ADCY10: variants seen among roughly 807,000 people sequenced by gnomAD.
The protein encoded by ADCY10 is adenylate cyclase type 10.
Under a neutral mutation model 183.3 loss-of-function variants are expected in ADCY10, and 156 were observed. The observed-to-expected ratio is 0.85, with a 90% CI of 0.75 to 0.97. ADCY10 has a LOEUF of 0.97. ADCY10 is among the 50% of genes least tolerant of loss of function. The pLI, the probability that ADCY10 is intolerant of heterozygous loss-of-function variation, is 0.00. For synonymous variants in ADCY10, 645 were observed against 670.0 expected (o/e 0.96, Z 0.58); for missense variants, 1,745 against 1,934.3 (o/e 0.90, Z 1.84).
chr1:167,912,653 T>C (rs1214777393), intron 1 of ADCY10, among the ~76,000 whole-genome samples: 1 of 152,166 alleles, frequency 6.6e-6, no homozygotes, highest in Non-Finnish European at 1.5e-5. Flanking sequence ...TCTGTCTCTG[T>C]ATGGGGGAGC....
rs1179293298 is a variant in ADCY10, at chr1:167,810,708, T to A, written c.4671+17A>T. On this transcript the variant is annotated intron_variant, in intron 32 of 32. Transcript: ENST00000367851. The stretch of plus-strand genomic sequence containing the variant: ...GGTGAGCATCGCCACCCCGGTTTGC[T>A]AGCTGATGATACATACTTTGTTCAT... 3.1e-6 allele frequency: 5 copies of A among 1,614,016 alleles called. No individual in the cohort carries two copies. In the South Asian group the frequency reaches 5.5e-5, roughly 18 times the overall value.
At chr1:167,824,387 C>G in intron 28 of ADCY10, 89 bp downstream of exon 28, 1 of 1,076,780 alleles carries the variant, frequency 9.3e-7, no homozygotes, top group East Asian at 2.4e-5. Flanking sequence ...CTCCCTTCCC[C>G]ACCCTAGGAC....
chr1:167,873,140 T>TTAGGATTGC (rs1290167621), intron 13 of ADCY10, among the ~76,000 whole-genome samples: 3 of 152,112 alleles, frequency 2.0e-5, no homozygotes, highest in Non-Finnish European at 4.4e-5. Flanking sequence ...TGCAATCTTG[T>TTAGGATTGC]AGAAAGAAGG....
intron 13 of ADCY10, among the ~76,000 whole-genome samples, chr1:167,874,767 A>G (rs912707853): frequency 6.6e-6 from 1 of 152,230 alleles, no homozygotes; most frequent in Non-Finnish European, 1.5e-5. Flanking sequence ...ATAAAAATGG[A>G]ATACTACATA....
chr1:167,846,924 C>T (rs1043440149), intron 19 of ADCY10, among the ~76,000 whole-genome samples: 2 of 151,640 alleles, frequency 1.3e-5, no homozygotes, highest in African/African-American at 4.8e-5. Context: ...TAAGCTAGTC[C>T]ATCCTCTTTT....
intron 7 of ADCY10, among the ~76,000 whole-genome samples, 193 bp downstream of exon 7, chr1:167,896,402 G>A (rs1668974988): frequency 6.6e-6 from 1 of 152,122 alleles, no homozygotes; most frequent in South Asian, 2.1e-4. Flanking sequence ...CTAGGGAGAG[G>A]TGGATGGTGT....
intron 8 of ADCY10, among the ~76,000 whole-genome samples, chr1:167,887,658 C>T (rs147772258): frequency 1.3e-5 from 2 of 151,632 alleles, no homozygotes; most frequent in Middle Eastern, 3.4e-3. Flanking sequence ...AACAAACCTG[C>T]ACATTGTGCA....
intron 9 of ADCY10, among the ~76,000 whole-genome samples, chr1:167,881,758 A>G (rs1667882904): frequency 6.6e-6 from 1 of 152,226 alleles, no homozygotes; most frequent in African/African-American, 2.4e-5. Flanking sequence ...AAGTTCAATG[A>G]CTTGCTAAGT....
chr1:167,835,355 G>A (rs1160511095), intron 23 of ADCY10, among the ~76,000 whole-genome samples: 2 of 152,116 alleles, frequency 1.3e-5, no homozygotes, highest in African/African-American at 4.8e-5. Flanking sequence ...GTATCTAAAG[G>A]CATCTATTTA....
intron 12 of ADCY10, 106 bp from the exon 13 acceptor site, chr1:167,875,292 A>G (rs1667372782): frequency 2.6e-6 from 3 of 1,132,482 alleles, no homozygotes; most frequent in African/African-American, 3.1e-5. Flanking sequence ...TCAATTGCTA[A>G]CAAGAGTCTA....
intron 29 of ADCY10, among the ~76,000 whole-genome samples, chr1:167,822,733 T>C (rs1287468656): frequency 6.6e-6 from 1 of 152,192 alleles, no homozygotes; most frequent in Admixed American, 6.5e-5. Flanking sequence ...AGTCAGCCAC[T>C]ATCACTTAGG....
chr1:167,871,183 A>G (rs115572334), intron 13 of ADCY10, among the ~76,000 whole-genome samples: 1 of 152,272 alleles, frequency 6.6e-6, no homozygotes, highest in African/African-American at 2.4e-5. Context: ...ACAATTATGG[A>G]TAAAATATTT....
chr1:167,857,173 G>A (rs970763485), intron 16 of ADCY10, among the ~76,000 whole-genome samples: 6 of 152,198 alleles, frequency 3.9e-5, no homozygotes, highest in African/African-American at 1.4e-4. Context: ...TGTGTAAGGT[G>A]TCACAATGCA....
chr1:167,908,908 C>G (rs533030322), intron 1 of ADCY10, among the ~76,000 whole-genome samples: 30 of 152,188 alleles, frequency 2.0e-4, no homozygotes, highest in Non-Finnish European at 3.8e-4. Flanking sequence ...TTTTAAAAAA[C>G]TTTTATTGAA....
intron 1 of ADCY10, among the ~76,000 whole-genome samples, chr1:167,906,622 C>CAAA (rs869083786): frequency 9.1e-6 from 1 of 109,504 alleles, no homozygotes. Flanking sequence ...CCCATCTCTA[C>CAAA]AAAAAAAAAA....
rs903426177 is a variant in ADCY10 at position 167,894,038 on chromosome 1, G to A, written c.740-97C>T. 1.5e-5 allele frequency: 12 copies of A among 812,988 alleles called. No individual in the cohort carries two copies. The African/African-American group carries it at 2.0e-4, about 14-fold the overall frequency. 50.4% of individuals were successfully genotyped at this position (812,988 alleles called of 1,614,324 possible). A position where few individuals can be genotyped will look rare whatever the true frequency, so the allele number is the denominator to read the frequency against. On this transcript the variant is annotated intron_variant, in intron 7 of 32. Coordinates refer to ENST00000367851, the MANE Select transcript of ADCY10 (RefSeq NM_018417.6). ...CCCAGTCCCTATTCTCTTGGGCAGT[G>A]GGCCTTCTTGTCCTTACAGTTGTCA...
At position 167,883,648 on chromosome 1, in the gene ADCY10, T is replaced by C. The variant is rs779850268; in HGVS notation, c.829-20A>G. The C allele has an allele frequency of 6.2e-7, 1 of 1,613,856 alleles. No individual in the cohort carries two copies. The highest frequency in any genetic ancestry group is 8.5e-7 in the Non-Finnish European group (1 of 1,179,756). ...ATCAATCTGCAAAGTAGAGAGCAGC[T>C]TTCTGTAGGTGTCCTTGGCAGTGGA... is the stretch of plus-strand genomic sequence containing the variant. On this transcript the variant is annotated intron_variant, in intron 8 of 32. Transcript: ENST00000367851.
At chr1:167,838,920 G>T (rs1664422137) in intron 21 of ADCY10, among the ~76,000 whole-genome samples, 1 of 152,162 alleles carries the variant, frequency 6.6e-6, no homozygotes, top group Admixed American at 6.5e-5. Context: ...CAAGATCCTT[G>T]ATTATTTTCT....
chr1:167,880,245 G>T, intron 10 of ADCY10, 54 bp from the exon 11 acceptor site: 2 of 1,460,354 alleles, frequency 1.4e-6, no homozygotes, highest in South Asian at 1.2e-5. Flanking sequence ...AATGAGCGTA[G>T]AGAAAGTGGG....
Sources: allele counts gnomAD v4.1 joint callset (sites outside exome capture counted in the v4.1 genomes callset), GRCh38; gene constraint gnomAD v4.1.1; transcripts MANE v1.5; gene names NCBI Gene and HGNC (gene_info 2026-07-23, HGNC 2026-07-21).